FUNDC2: variants seen among roughly 807,000 people sequenced by gnomAD.
FUNDC2 encodes the protein FUN14 domain containing 2.
In FUNDC2, 4 loss-of-function variants were observed where a neutral mutation model predicts 15.6. The observed-to-expected ratio is 0.26, with a 90% CI of 0.13 to 0.59. The LOEUF is 0.59. Among genes scored for constraint, FUNDC2 ranks in the 20% least tolerant of loss-of-function variants. The probability of loss-of-function intolerance (pLI) is 0.90; values close to 1 mark genes in which losing one functional copy is unlikely to be tolerated. For missense variants in FUNDC2, 98 were observed against 149.7 expected, an observed-to-expected ratio of 0.65 and a Z score of 1.80; for synonymous variants, 44 against 56.9, an observed-to-expected ratio of 0.77 and a Z score of 1.02.
chrX:155,058,168 G>A lies in FUNDC2; in HGVS notation c.*3496G>A, dbSNP rs1485138343. The A allele has an allele frequency of 1.8e-5, 2 of 111,533 alleles. No homozygotes were observed. The highest frequency in any genetic ancestry group is 6.5e-5 in the African/African-American group (2 of 30,613). The allele number at this position is 111,533 out of a possible 1,213,427, so 9.2% of individuals were successfully genotyped here. The stretch of plus-strand genomic sequence containing the variant: ...CACTGGGGTGACAGTCCTTGCTACT[G>A]GATCTGGGCAGTTACTGTCTCATGG... On this transcript the variant is annotated 3_prime_UTR_variant, in exon 5 of 5. Transcript: ENST00000369498.
chrX:155,027,279 C>T (rs1412070475), intron 1 of FUNDC2: 2 of 305,319 alleles, frequency 6.6e-6, no homozygotes, highest in Non-Finnish European at 5.5e-6. Flanking sequence ...GCCTAACCAC[C>T]CTGGGGTGTC....
At chrX:155,035,397 A>G (rs1324855629) in intron 2 of FUNDC2, among the ~76,000 whole-genome samples, 16 of 111,954 alleles carry the variant, frequency 1.4e-4, no homozygotes, top group African/African-American at 5.2e-4. Flanking sequence ...TTTAAATTTA[A>G]TAAATAGGTA....
chrX:155,032,395 T>G (rs1557288832), intron 1 of FUNDC2, among the ~76,000 whole-genome samples: 1 of 104,646 alleles, frequency 9.6e-6, no homozygotes, highest in Non-Finnish European at 2.0e-5. Context: ...CAAGTGATTC[T>G]CCTCCCGAGT....
In FUNDC2 at chrX:155,057,921, C is replaced by G. The variant is rs1219528481; in HGVS notation, c.*3249C>G. 9.0e-6 allele frequency: 1 copy of G among 111,708 alleles called. No homozygotes were observed. The highest frequency in any genetic ancestry group is 3.3e-5 in the African/African-American group (1 of 30,650). 9.2% of individuals were successfully genotyped at this position (111,708 alleles called of 1,213,427 possible). Reference sequence around the variant, plus strand: ...ATGGAGTCCAATGTTTCAGTCTCCCCCAAGAATGTGTATCCTCATTGCTGA... The same window carrying G: ...ATGGAGTCCAATGTTTCAGTCTCCCGCAAGAATGTGTATCCTCATTGCTGA... On this transcript the variant is annotated 3_prime_UTR_variant, in exon 5 of 5. Coordinates refer to ENST00000369498, the MANE Select transcript of FUNDC2 (RefSeq NM_023934.4).
In FUNDC2 at chrX:155,059,800, A is replaced by T. The variant is rs1365148515; in HGVS notation, c.*5128A>T. 2 of 111,889 alleles carry T rather than the reference A, an allele frequency of 1.8e-5. No individual in the cohort carries two copies. The highest frequency in any genetic ancestry group is 6.5e-5 in the African/African-American group (2 of 30,734). The allele number at this position is 111,889 out of a possible 1,213,427, so 9.2% of individuals were successfully genotyped here. On this transcript the variant is annotated 3_prime_UTR_variant, in exon 5 of 5. Transcript: ENST00000369498. ...CCTAATGGAGGTGGATCCTGGTGAG[A>T]GGTGATTGGATCGTGGGGGCCATCC...
At position 155,056,681 on chromosome X, in the gene FUNDC2, C is replaced by T. The variant is rs1364885513; in HGVS notation, c.*2009C>T. 3.6e-5 allele frequency: 4 copies of T among 111,215 alleles called. No individual in the cohort carries two copies. Among genetic ancestry groups the T allele is most frequent in the African/African-American group, 1.3e-4 (4 of 30,516 alleles). 9.2% of individuals were successfully genotyped at this position (111,215 alleles called of 1,213,427 possible). On this transcript the variant is annotated 3_prime_UTR_variant, in exon 5 of 5. Coordinates refer to ENST00000369498, the MANE Select transcript of FUNDC2 (RefSeq NM_023934.4). ...CCATATATGGTGATAGTGGCTGCAG[C>T]CACTTTACCTGTGTGACTTACCCAC...
intron 2 of FUNDC2, among the ~76,000 whole-genome samples, chrX:155,034,960 C>A (rs928099122): frequency 9.5e-4 from 106 of 111,445 alleles, no homozygotes; most frequent in African/African-American, 3.2e-3. Context: ...TATTCTCAGT[C>A]CTTTGTTAGT....
At chrX:155,042,514 T>C (rs1055625721) in intron 2 of FUNDC2, among the ~76,000 whole-genome samples, 2 of 111,129 alleles carry the variant, frequency 1.8e-5, no homozygotes, top group Non-Finnish European at 3.8e-5. Context: ...TTAGATTTCA[T>C]TGAGCTTTTT....
chrX:155,033,804 T>C (rs1278591673), intron 2 of FUNDC2, among the ~76,000 whole-genome samples: 1 of 112,286 alleles, frequency 8.9e-6, no homozygotes, highest in Non-Finnish European at 1.9e-5. Context: ...ACTCTGGAAT[T>C]AGTACTGTTA....
chrX:155,054,503 TTGTTAAGAC>T, intron 4 of FUNDC2, 83 bp from the exon 5 acceptor site: 1 of 1,176,293 alleles, frequency 8.5e-7, no homozygotes, highest in East Asian at 3.0e-5. Flanking sequence ...GGGATTGACA[TTGTTAAGAC>T]TGGCATAGGT....
rs1352404195 is a variant in FUNDC2 at position 155,058,914 on chromosome X, A to C, written c.*4242A>C. 1 of 111,422 alleles carries C rather than the reference A, an allele frequency of 9.0e-6. No individual in the cohort carries two copies. The highest frequency in any genetic ancestry group is 3.3e-5 in the African/African-American group (1 of 30,611). 9.2% of individuals were successfully genotyped at this position (111,422 alleles called of 1,213,427 possible). A position where few individuals can be genotyped will look rare whatever the true frequency, so the allele number is the denominator to read the frequency against. ...ACTTTTCAAAAGTGTCTACCTTTTT[A>C]AATTTTAAAATGGTAAGAAATGACA... On this transcript the variant is annotated 3_prime_UTR_variant, in exon 5 of 5. Coordinates refer to ENST00000369498, the MANE Select transcript of FUNDC2 (RefSeq NM_023934.4).
At chrX:155,032,515 A>G (rs1432075635) in intron 1 of FUNDC2, among the ~76,000 whole-genome samples, 1 of 108,789 alleles carries the variant, frequency 9.2e-6, no homozygotes, top group Admixed American at 9.8e-5. Flanking sequence ...ACCTCAGGTG[A>G]TCCACCTGCC....
At position 155,053,591 on chromosome X, in the gene FUNDC2, A is replaced by T. The variant is rs146685103; in HGVS notation, c.493-1004A>T. On this transcript the variant is annotated intron_variant, in intron 4 of 4. Coordinates refer to ENST00000369498, the MANE Select transcript of FUNDC2 (RefSeq NM_023934.4). ...AAATGTAGAGGTCCAGGAGAGATGGAGGAGGAGTGGAAATGAGGCAGGAAG... is the reference window on the plus strand; with the variant it reads ...AAATGTAGAGGTCCAGGAGAGATGGTGGAGGAGTGGAAATGAGGCAGGAAG... Among the ~76,000 whole-genome samples the T allele has an allele frequency of 2.6e-4, 29 of 111,492 alleles. No individual in the cohort carries two copies. In the East Asian group the frequency reaches 7.8e-3, roughly 30 times the overall value.
chrX:155,044,523 T>TGATTTAAACCTGATTTAAACAAC (rs2073856492), intron 2 of FUNDC2, among the ~76,000 whole-genome samples: 1 of 111,446 alleles, frequency 9.0e-6, no homozygotes, highest in Admixed American at 9.5e-5. Flanking sequence ...GAACAACAAA[T>TGATTTAAACCTGATTTAAACAAC]AACCTGATTT....
chrX:155,030,776 C>G (rs2073812512), intron 1 of FUNDC2, among the ~76,000 whole-genome samples: 1 of 105,711 alleles, frequency 9.5e-6, no homozygotes, highest in South Asian at 4.3e-4. Context: ...ACCTCCGCCT[C>G]CCAGGTTCAA....
intron 3 of FUNDC2, chrX:155,047,520 A>G: frequency 3.1e-6 from 1 of 324,342 alleles, no homozygotes; most frequent in Non-Finnish European, 6.2e-6. Flanking sequence ...TGCATGACAA[A>G]TTCCCCCAAA....
rs782381755 is a variant in FUNDC2 at position 155,058,979 on chromosome X, G to T, written c.*4307G>T. The T allele has an allele frequency of 5.4e-5, 6 of 111,567 alleles. No individual in the cohort carries two copies. The South Asian group carries it at 2.3e-3, about 42-fold the overall frequency. 9.2% of individuals were successfully genotyped at this position (111,567 alleles called of 1,213,427 possible). A position where few individuals can be genotyped will look rare whatever the true frequency, so the allele number is the denominator to read the frequency against. ...GGCTTTCATCCTTGCTTGCACTTGG[G>T]AATCACCTGTGAAATTTTAAAAACT... On this transcript the variant is annotated 3_prime_UTR_variant, in exon 5 of 5. Transcript: ENST00000369498.
At position 155,059,383 on chromosome X, in the gene FUNDC2, C is replaced by CTG. The variant is rs1270958153; in HGVS notation, c.*4713_*4714dup. On this transcript the variant is annotated 3_prime_UTR_variant, in exon 5 of 5. Transcript: ENST00000369498. ...AAAACTACCTTTCTAGCTAAAAGGT[C>CTG]TGTCAGTCACTAACCAAGTGATTAA... 1.8e-5 allele frequency: 2 copies of CTG among 111,253 alleles called. No homozygotes were observed. Among genetic ancestry groups the CTG allele is most frequent in the Non-Finnish European group, 3.8e-5 (2 of 53,017 alleles). 9.2% of individuals were successfully genotyped at this position (111,253 alleles called of 1,213,427 possible).
At position 155,056,299 on chromosome X, in the gene FUNDC2, C is replaced by G. The variant is rs1430689187; in HGVS notation, c.*1627C>G. ...AACAAATATCAAAATGTCATTTTAT[C>G]ATATTTCAGTATGTATCTCTAAAAG... On this transcript the variant is annotated 3_prime_UTR_variant, in exon 5 of 5. Coordinates refer to ENST00000369498, the MANE Select transcript of FUNDC2 (RefSeq NM_023934.4). The G allele has an allele frequency of 1.8e-5, 2 of 111,517 alleles. No homozygotes were observed. The highest frequency in any genetic ancestry group is 3.8e-5 in the Non-Finnish European group (2 of 53,108). The allele number at this position is 111,517 out of a possible 1,213,427, so 9.2% of individuals were successfully genotyped here.
Sources: allele counts gnomAD v4.1 joint callset (sites outside exome capture counted in the v4.1 genomes callset), GRCh38; gene constraint gnomAD v4.1.1; transcripts MANE v1.5; gene names NCBI Gene and HGNC (gene_info 2026-07-23, HGNC 2026-07-21).